STIP1: variants seen among roughly 807,000 people sequenced by gnomAD.
STIP1 encodes stress-induced-phosphoprotein 1.
In STIP1, 16 loss-of-function variants were observed where a neutral mutation model predicts 77.4. The ratio of observed to expected loss-of-function variants is 0.21; its 90% confidence interval spans 0.14 to 0.31. The LOEUF (loss-of-function observed/expected upper bound fraction) is 0.31. Ranked by LOEUF, STIP1 falls within the 10% of genes least tolerant of loss-of-function variation. STIP1 has a pLI of 1.00. For missense variants in STIP1, 524 were observed against 684.8 expected (o/e 0.77, Z 2.62); for synonymous variants, 258 against 246.6 (o/e 1.05, Z -0.44).
chr11:64,186,194 C>T lies in STIP1; in HGVS notation c.-68C>T, dbSNP rs1946012345. On this transcript the variant is annotated 5_prime_UTR_variant, in exon 1 of 14. Transcript: ENST00000305218. ...GTAGCTTCTAGTAGGTTCCAGAAGGCGGCGCGTGCGGTTGGGAACGCGGAG... is the reference window on the plus strand; with the variant it reads ...GTAGCTTCTAGTAGGTTCCAGAAGGTGGCGCGTGCGGTTGGGAACGCGGAG... The T allele has an allele frequency of 1.3e-6, 2 of 1,550,534 alleles. No individual in the cohort carries two copies. Among genetic ancestry groups the T allele is most frequent in the South Asian group, 1.2e-5 (1 of 84,044 alleles).
intron 1 of STIP1, among the ~76,000 whole-genome samples, chr11:64,191,542 G>A (rs569699009): frequency 6.6e-6 from 1 of 152,272 alleles, no homozygotes; most frequent in Admixed American, 6.5e-5. Context: ...GGAGGCGGAG[G>A]TTGCCGTGAG....
In STIP1 at chr11:64,203,069, C is replaced by A; in HGVS notation, c.1283-56C>A. The A allele has an allele frequency of 1.9e-6, 3 of 1,606,036 alleles. No homozygotes were observed. The Admixed American group carries it at 5.0e-5, about 27-fold the overall frequency. ...GTGTTGGTGTGCAGGTGAAGAGGTGCAAGGAGCAGCCTTGGGCGCTGCGGT... is the reference window on the plus strand; with the variant it reads ...GTGTTGGTGTGCAGGTGAAGAGGTGAAAGGAGCAGCCTTGGGCGCTGCGGT... On this transcript the variant is annotated intron_variant, in intron 11 of 13. Coordinates refer to ENST00000305218, the MANE Select transcript of STIP1 (RefSeq NM_006819.3).
chr11:64,200,051 T>TG lies in STIP1; in HGVS notation c.1120+20dup, dbSNP rs1187103205. ...TTTTCAGAAAGGTACTGCCTGCAGC[T>TG]GGGGGATTGGGGGAGCAGTGCTGGG... On this transcript the variant is annotated intron_variant, in intron 9 of 13. Coordinates refer to ENST00000305218, the MANE Select transcript of STIP1 (RefSeq NM_006819.3). 1 of 1,614,124 alleles carries TG rather than the reference T, an allele frequency of 6.2e-7. No individual in the cohort carries two copies. Among genetic ancestry groups the TG allele is most frequent in the Non-Finnish European group, 8.5e-7 (1 of 1,180,018 alleles).
chr11:64,195,953 G>A, intron 5 of STIP1, 140 bp downstream of exon 5: 1 of 1,290,764 alleles, frequency 7.7e-7, no homozygotes, highest in Non-Finnish European at 1.1e-6. Flanking sequence ...TGTTTCCCAG[G>A]TTGGTCTTGA....
intron 8 of STIP1, among the ~76,000 whole-genome samples, chr11:64,199,088 TACTC>T (rs943734524): frequency 7.8e-4 from 119 of 151,702 alleles, no homozygotes; most frequent in East Asian, 3.9e-4. Flanking sequence ...TAATCCCAAT[TACTC>T]AGGAGGATGA....
intron 9 of STIP1, 48 bp from the exon 10 acceptor site, chr11:64,200,121 T>A (rs756858463): frequency 6.2e-7 from 1 of 1,611,398 alleles, no homozygotes; most frequent in Admixed American, 1.7e-5. Context: ...CGGCTACACA[T>A]GGGGGCTTTT....
At chr11:64,196,067 T>C (rs1342627428) in intron 5 of STIP1, among the ~76,000 whole-genome samples, 2 of 152,136 alleles carry the variant, frequency 1.3e-5, no homozygotes, top group Non-Finnish European at 2.9e-5. Context: ...GCTAAGCTTA[T>C]GGCTATTATT....
At position 64,203,544 on chromosome 11, in the gene STIP1, A is replaced by G; in HGVS notation, c.1481A>G (p.Glu494Gly). Residue 494 changes from glutamate (E) to glycine (G), a missense_variant, in exon 13 of 14, where the codon GAG becomes GGG. Physicochemically the swap from Glu to Gly is moderately conservative, Grantham distance 98. Coordinates refer to ENST00000305218, the MANE Select transcript of STIP1 (RefSeq NM_006819.3). ...AAGCGACGAGCCATGGCCGACCCTG[A>G]GGTGCAGCAGATCATGAGTGACCCA... is the stretch of plus-strand genomic sequence containing the variant. ...DVKRRAMADP[E>G]VQQIMSDPAM... 1 of 1,614,170 alleles carries G rather than the reference A, an allele frequency of 6.2e-7. No homozygotes were observed. The highest frequency in any genetic ancestry group is 8.5e-7 in the Non-Finnish European group (1 of 1,180,026).
Position 64,203,955 on chromosome 11 carries a change from C to G in STIP1, c.1560-99C>G, listed in dbSNP as rs559218690. ...GGGCCTCGCCAGGACCCCTCCCTGCCGGGGCCTTCTGTAGAGGGGGTTGAA... is the reference window on the plus strand; with the variant it reads ...GGGCCTCGCCAGGACCCCTCCCTGCGGGGGCCTTCTGTAGAGGGGGTTGAA... On this transcript the variant is annotated intron_variant, in intron 13 of 13. Coordinates refer to ENST00000305218, the MANE Select transcript of STIP1 (RefSeq NM_006819.3). 4 of 1,421,976 alleles carry G rather than the reference C, an allele frequency of 2.8e-6. No homozygotes were observed. In the African/African-American group the frequency reaches 4.3e-5, roughly 15 times the overall value. The allele number at this position is 1,421,976 out of a possible 1,614,324, so 88.1% of individuals were successfully genotyped here. A position where few individuals can be genotyped will look rare whatever the true frequency, so the allele number is the denominator to read the frequency against.
At chr11:64,200,065 A>G in intron 9 of STIP1, 29 bp downstream of exon 9, 1 of 1,614,002 alleles carries the variant, frequency 6.2e-7, no homozygotes, top group Non-Finnish European at 8.5e-7. Flanking sequence ...GGATTGGGGG[A>G]GCAGTGCTGG....
rs1946121267 is a variant in STIP1 at position 64,194,108 on chromosome 11, T to C, written c.220-81T>C. 2.6e-6 allele frequency: 4 copies of C among 1,540,280 alleles called. No homozygotes were observed. In the Admixed American group the frequency reaches 8.4e-5, roughly 32 times the overall value. ...AATACTCATTTTTCCCCCATAAAAGTAGAATTGTTCTTTTTTGAGTTCGTC... is the reference window on the plus strand; with the variant it reads ...AATACTCATTTTTCCCCCATAAAAGCAGAATTGTTCTTTTTTGAGTTCGTC... On this transcript the variant is annotated intron_variant, in intron 2 of 13. Transcript: ENST00000305218.
Position 64,203,129 on chromosome 11 carries a change from G to A in STIP1, c.1287G>A (p.Lys429=). 1.2e-6 allele frequency: 2 copies of A among 1,614,192 alleles called. No homozygotes were observed. Among genetic ancestry groups the A allele is most frequent in the East Asian group, 4.5e-5 (2 of 44,872 alleles). Residue 429 remains lysine (K), a synonymous_variant, in exon 12 of 14, where the codon AAG becomes AAA. Transcript: ENST00000305218. ...CGCCACCTTTCCTGTTTGTAGTCAA[G>A]GGTTATACACGGAAAGCCGCTGCGC... ...ECIQLEPTFI[K]GYTRKAAALE... is the part of the protein sequence containing the mutation.
At chr11:64,186,139 G>T, upstream of STIP1, 1 of 1,550,840 alleles carries the variant, frequency 6.4e-7, no homozygotes, top group African/African-American at 1.4e-5. Flanking sequence ...CCAGTGAGCA[G>T]GCGAGGAAGG....
chr11:64,191,091 G>A (rs1161668706), intron 1 of STIP1, among the ~76,000 whole-genome samples: 1 of 151,880 alleles, frequency 6.6e-6, no homozygotes, highest in Non-Finnish European at 1.5e-5. Flanking sequence ...GGAGGCTGAG[G>A]CAGGAGAATC....
chr11:64,195,496 C>G, intron 4 of STIP1, 149 bp from the exon 5 acceptor site: 1 of 714,840 alleles, frequency 1.4e-6, no homozygotes. Flanking sequence ...TCAATTGTAA[C>G]TCATGAGTGG....
chr11:64,193,785 CAAAA>C (rs906290365), intron 2 of STIP1, among the ~76,000 whole-genome samples: 1 of 149,296 alleles, frequency 6.7e-6, no homozygotes, highest in African/African-American at 2.5e-5. Flanking sequence ...GACCCTGTCT[CAAAA>C]AAAAAGGAAG....
At chr11:64,202,805 C>A in intron 10 of STIP1, 71 bp from the exon 11 acceptor site, 1 of 1,581,940 alleles carries the variant, frequency 6.3e-7, no homozygotes, top group Non-Finnish European at 8.7e-7. Context: ...TGGAAGTCCA[C>A]ATGCTTGAGT....
chr11:64,185,989 G>A (rs1289865496), upstream of STIP1: 3 of 1,541,690 alleles, frequency 1.9e-6, no homozygotes, highest in East Asian at 7.3e-5. Flanking sequence ...GTTTATAGAG[G>A]AGCGCCCAAT....
chr11:64,189,867 C>G (rs1226856401), intron 1 of STIP1, among the ~76,000 whole-genome samples: 1 of 152,104 alleles, frequency 6.6e-6, no homozygotes, highest in Non-Finnish European at 1.5e-5. Context: ...GTCTTCTGGC[C>G]TCCATCTTGG....
Sources: gnomAD v4.1 joint callset for allele counts (sites outside exome capture counted in the v4.1 genomes callset) on GRCh38, gnomAD v4.1.1 for gene constraint, MANE v1.5 for transcripts, NCBI Gene and HGNC (gene_info 2026-07-23, HGNC 2026-07-21) for gene names.